The following PAK1 variants were observed in gnomAD, a reference collection of about 807,000 sequenced individuals.
PAK1 encodes p21 (RAC1) activated kinase 1, also known as serine/threonine-protein kinase PAK 1.
Under a neutral mutation model 67.4 loss-of-function variants are expected in PAK1, and 29 were observed. That is an observed-to-expected ratio of 0.43 (90% CI 0.32 to 0.59). PAK1 has a LOEUF of 0.59. PAK1 is among the 20% of genes least tolerant of loss of function. The probability of loss-of-function intolerance (pLI) is 0.07; values close to 1 mark genes in which losing one functional copy is unlikely to be tolerated. For synonymous variants in PAK1, 223 were observed against 237.4 expected, an observed-to-expected ratio of 0.94 and a Z score of 0.56; for missense variants, 337 against 670.7, an observed-to-expected ratio of 0.50 and a Z score of 5.50.
At chr11:77,495,112 A>G in the PAK1 span, among the ~76,000 whole-genome samples, 1 of 151,698 alleles carries the variant, frequency 6.6e-6, no homozygotes. Context: ...CAGAGATCCA[A>G]GACCACGCCA....
At chr11:77,469,891 TAATC>T (rs1957771429) in intron 1 of PAK1, among the ~76,000 whole-genome samples, 2 of 152,152 alleles carry the variant, frequency 1.3e-5, no homozygotes, top group African/African-American at 4.8e-5. Flanking sequence ...TAATTCGTAA[TAATC>T]AAATCAGGAT....
At chr11:77,470,008 CAAT>C (rs1292810086) in intron 1 of PAK1, among the ~76,000 whole-genome samples, 1 of 152,196 alleles carries the variant, frequency 6.6e-6, no homozygotes, top group Admixed American at 6.5e-5. Flanking sequence ...CAAAAATAAA[CAAT>C]AAACTGTAGT....
the PAK1 span, among the ~76,000 whole-genome samples, chr11:77,499,810 CAT>C: frequency 6.6e-6 from 1 of 151,976 alleles, no homozygotes; most frequent in East Asian, 1.9e-4. Context: ...CACACACACA[CAT>C]ACACACACAG....
intron 4 of PAK1, among the ~76,000 whole-genome samples, chr11:77,374,800 A>G (rs1948886316): frequency 6.6e-6 from 1 of 152,214 alleles, no homozygotes; most frequent in Admixed American, 6.5e-5. Flanking sequence ...ACGTTACTGC[A>G]GGCAACTGTA....
chr11:77,518,092 A>G, the PAK1 span, among the ~76,000 whole-genome samples: 3 of 152,228 alleles, frequency 2.0e-5, no homozygotes, highest in African/African-American at 7.2e-5. Context: ...AATCTTTCTA[A>G]GTAATTATTC....
chr11:77,433,773 C>T (rs1002217612), intron 1 of PAK1, among the ~76,000 whole-genome samples: 10 of 152,078 alleles, frequency 6.6e-5, no homozygotes, highest in East Asian at 1.9e-4. Flanking sequence ...AGCAAGACTG[C>T]GTCTCAAAAA....
upstream of PAK1, among the ~76,000 whole-genome samples, chr11:77,479,123 A>T (rs944786133): frequency 3.4e-4 from 51 of 151,116 alleles, no homozygotes; most frequent in African/African-American, 1.2e-3. Context: ...AAGCATTAGC[A>T]CTCATTGTAA....
At chr11:77,357,442 C>G (rs1946186439) in intron 6 of PAK1, among the ~76,000 whole-genome samples, 1 of 152,146 alleles carries the variant, frequency 6.6e-6, no homozygotes, top group Non-Finnish European at 1.5e-5. Context: ...AAACTATATC[C>G]CAGGCACCTA....
intron 8 of PAK1, among the ~76,000 whole-genome samples, chr11:77,352,614 T>G (rs1945417348): frequency 1.3e-5 from 2 of 152,326 alleles, no homozygotes; most frequent in South Asian, 4.1e-4. Context: ...CACCACTCAC[T>G]GACTCACCTA....
chr11:77,326,092 ATACT>A (rs1464786636), intron 14 of PAK1, among the ~76,000 whole-genome samples: 11 of 152,234 alleles, frequency 7.2e-5, no homozygotes, highest in Non-Finnish European at 1.3e-4. Flanking sequence ...GTTGCATGTG[ATACT>A]TACTATTAGA....
chr11:77,503,292 G>C, the PAK1 span, among the ~76,000 whole-genome samples: 1 of 152,162 alleles, frequency 6.6e-6, no homozygotes, highest in South Asian at 2.1e-4. Flanking sequence ...TTGACTCACT[G>C]CCAGAACTTC....
the PAK1 span, among the ~76,000 whole-genome samples, chr11:77,482,039 A>C: frequency 1.3e-5 from 2 of 151,282 alleles, no homozygotes; most frequent in Admixed American, 6.6e-5. Context: ...CCCAGGCTGG[A>C]GTGTAGTGGC....
At chr11:77,467,538 G>A (rs1257757605) in intron 1 of PAK1, among the ~76,000 whole-genome samples, 1 of 152,148 alleles carries the variant, frequency 6.6e-6, no homozygotes. Context: ...GCAAAACATT[G>A]TTAATATAAG....
At chr11:77,333,051 T>G (rs1477650582) in intron 13 of PAK1, among the ~76,000 whole-genome samples, 184 bp from the exon 14 acceptor site, 1 of 152,204 alleles carries the variant, frequency 6.6e-6, no homozygotes, top group African/African-American at 2.4e-5. Flanking sequence ...CATGGGACTA[T>G]GTACAACTTC....
rs192111863 is a variant in PAK1 at position 77,416,965 on chromosome 11, A to G, written c.-21-24424T>C. On this transcript the variant is annotated intron_variant, in intron 1 of 14. Coordinates refer to ENST00000356341, the MANE Select transcript of PAK1 (RefSeq NM_002576.5). ...AAGACTCTGTCTCAAAAAAAAAAAA[A>G]AGTACATATGTGTTCTATACTTTTA... Among the ~76,000 whole-genome samples the G allele has an allele frequency of 1.2e-3, 180 of 152,188 alleles. 2 individuals are homozygous for G. The highest frequency in any genetic ancestry group is 6.8e-3 in the Middle Eastern group (2 of 294).
intron 1 of PAK1, among the ~76,000 whole-genome samples, chr11:77,442,789 A>C (rs112883027): frequency 3.9e-5 from 6 of 152,340 alleles, no homozygotes; most frequent in Non-Finnish European, 7.3e-5. Context: ...GGTTAACATC[A>C]GAAAGCCCCG....
chr11:77,343,753 C>CT lies in PAK1; in HGVS notation c.998+65dup, dbSNP rs1943991576. On this transcript the variant is annotated intron_variant, in intron 10 of 14. Coordinates refer to ENST00000356341, the MANE Select transcript of PAK1 (RefSeq NM_002576.5). ...CTGAGGGCTGGCACTGCCCTCTTCT[C>CT]TAACAGCTTCACCACCAATCAGTCC... 4 of 954,302 alleles carry CT rather than the reference C, an allele frequency of 4.2e-6. No individual in the cohort carries two copies. In the Admixed American group the frequency reaches 6.9e-5, roughly 16 times the overall value. 59.1% of individuals were successfully genotyped at this position (954,302 alleles called of 1,614,324 possible).
chr11:77,481,599 C>T, the PAK1 span, among the ~76,000 whole-genome samples: 35 of 147,812 alleles, frequency 2.4e-4, no homozygotes, highest in Admixed American at 2.0e-3. Context: ...TGCTTGAACC[C>T]GGGAGGCAGA....
At chr11:77,384,620 CATT>C (rs1162642457) in intron 2 of PAK1, among the ~76,000 whole-genome samples, 1 of 152,128 alleles carries the variant, frequency 6.6e-6, no homozygotes. Context: ...ACCTTGAAAA[CATT>C]ATGCTAAGTG....
Sources: allele counts gnomAD v4.1 joint callset (sites outside exome capture counted in the v4.1 genomes callset), GRCh38; gene constraint gnomAD v4.1.1; transcripts MANE v1.5; gene names NCBI Gene and HGNC (gene_info 2026-07-23, HGNC 2026-07-21).